LMBRD1: variants seen among roughly 807,000 people sequenced by gnomAD.
LMBRD1 encodes lysosomal cobalamin transport escort protein LMBD1.
In LMBRD1, 64 loss-of-function variants were observed where a neutral mutation model predicts 74.8. The ratio of observed to expected loss-of-function variants is 0.86; its 90% confidence interval spans 0.70 to 1.05. The LOEUF (loss-of-function observed/expected upper bound fraction) is 1.05. Among genes scored for constraint, LMBRD1 ranks in the 50% least tolerant of loss-of-function variants. LMBRD1 has a pLI of 0.00. For missense variants in LMBRD1, 652 were observed against 645.9 expected, an observed-to-expected ratio of 1.01 and a Z score of -0.10; for synonymous variants, 204 against 216.3, an observed-to-expected ratio of 0.94 and a Z score of 0.50.
rs142933632 is a variant in LMBRD1 at position 69,788,572 on chromosome 6, C to A, written c.246+1724G>T. ...ACACTTATTTATCAGAGAAAATGAC[C>A]TCATAATGTTACAATCAACCATTTA... On this transcript the variant is annotated intron_variant, in intron 2 of 15. Coordinates refer to ENST00000649934, the MANE Select transcript of LMBRD1 (RefSeq NM_018368.4). Among the ~76,000 whole-genome samples the A allele has an allele frequency of 2.3e-3, 342 of 151,262 alleles. 1 individual carries two copies. Among genetic ancestry groups the A allele is most frequent in the African/African-American group, 7.9e-3 (328 of 41,326 alleles).
intron 9 of LMBRD1, among the ~76,000 whole-genome samples, chr6:69,704,765 A>T (rs1252967159): frequency 6.6e-6 from 1 of 152,136 alleles, no homozygotes; most frequent in African/African-American, 2.4e-5. Context: ...TGAATCTGCA[A>T]ATGCAGAATC....
At chr6:69,770,189 T>C (rs567146206) in intron 3 of LMBRD1, among the ~76,000 whole-genome samples, 3 of 152,200 alleles carry the variant, frequency 2.0e-5, no homozygotes, top group East Asian at 1.9e-4. Flanking sequence ...CCATAAACAA[T>C]AGCACTAGAA....
At chr6:69,691,893 A>AG (rs1409346070) in intron 14 of LMBRD1, among the ~76,000 whole-genome samples, 6 of 151,418 alleles carry the variant, frequency 4.0e-5, no homozygotes, top group East Asian at 3.9e-4. Context: ...AAAAAAAAAA[A>AG]AAAGAAAGAA....
At chr6:69,743,518 T>C (rs1198040166) in intron 5 of LMBRD1, among the ~76,000 whole-genome samples, 1 of 152,096 alleles carries the variant, frequency 6.6e-6, no homozygotes, top group East Asian at 1.9e-4. Flanking sequence ...TCAAAAAAAC[T>C]AAAAAGACTA....
chr6:69,723,894 A>G (rs1202949486), intron 7 of LMBRD1, among the ~76,000 whole-genome samples: 2 of 151,888 alleles, frequency 1.3e-5, no homozygotes, highest in Non-Finnish European at 2.9e-5. Flanking sequence ...TTTAAAAAGA[A>G]AAAATTGACA....
rs34775384 is a variant in LMBRD1 at position 69,726,777 on chromosome 6, CAA to C, written c.637-7698_637-7697del. ...GGCAGGTAAGGATGGTTACTAGGTA[CAA>C]AAAAAAAAAAAAAATGAGTAAGACC... is the stretch of plus-strand genomic sequence containing the variant. On this transcript the variant is annotated intron_variant, in intron 7 of 15. Coordinates refer to ENST00000649934, the MANE Select transcript of LMBRD1 (RefSeq NM_018368.4). 2.1e-3 allele frequency among the ~76,000 whole-genome samples: 230 copies of C among 109,638 alleles called. 2 individuals carry two copies. The highest frequency in any genetic ancestry group is 5.0e-3 in the South Asian group (19 of 3,802). 71.9% of individuals were successfully genotyped at this position (109,638 alleles called of 152,430 possible).
chr6:69,679,996 T>C (rs1485850241), intron 14 of LMBRD1, among the ~76,000 whole-genome samples: 2 of 152,144 alleles, frequency 1.3e-5, no homozygotes, highest in East Asian at 3.8e-4. Flanking sequence ...AAATAATTGG[T>C]TAGTCATTAA....
At chr6:69,740,206 A>T (rs1231733425) in intron 6 of LMBRD1, among the ~76,000 whole-genome samples, 3 of 152,222 alleles carry the variant, frequency 2.0e-5, no homozygotes, top group Non-Finnish European at 1.5e-5. Context: ...CTAAAAATTA[A>T]GAATAGTTGG....
intron 7 of LMBRD1, among the ~76,000 whole-genome samples, chr6:69,727,663 G>T (rs1409182904): frequency 6.6e-6 from 1 of 152,104 alleles, no homozygotes; most frequent in East Asian, 1.9e-4. Flanking sequence ...ATGCATGTCA[G>T]AAAACTGCAC....
intron 9 of LMBRD1, among the ~76,000 whole-genome samples, chr6:69,709,271 T>C (rs947011801): frequency 3.3e-5 from 5 of 151,830 alleles, no homozygotes; most frequent in Non-Finnish European, 7.4e-5. Flanking sequence ...AATTGAAAAT[T>C]TGGCTTCCTA....
Position 69,697,643 on chromosome 6 carries a change from T to G in LMBRD1, c.1339-2A>C. ...ATGATTATCAGAAGTTATATTAGTC[T>G]GAAAGATAAAAATACAGTTAAAATA... On this transcript the variant is annotated splice_acceptor_variant, in intron 13 of 15. Transcript: ENST00000649934. LOFTEE classifies it high-confidence loss of function. The G allele has an allele frequency of 1.3e-6, 2 of 1,545,674 alleles. No homozygotes were observed. Among genetic ancestry groups the G allele is most frequent in the South Asian group, 1.1e-5 (1 of 89,276 alleles).
intron 2 of LMBRD1, among the ~76,000 whole-genome samples, chr6:69,786,410 C>A (rs868427884): frequency 6.6e-6 from 1 of 151,740 alleles, no homozygotes; most frequent in South Asian, 2.1e-4. Flanking sequence ...TCATGACATA[C>A]CTTAATATTA....
intron 7 of LMBRD1, among the ~76,000 whole-genome samples, chr6:69,737,342 A>T (rs893116504): frequency 6.6e-6 from 1 of 152,058 alleles, no homozygotes; most frequent in African/African-American, 2.4e-5. Flanking sequence ...GTCTGTATAC[A>T]ACTTGGTCAG....
chr6:69,707,515 T>C (rs1766286040), intron 9 of LMBRD1, among the ~76,000 whole-genome samples: 1 of 152,190 alleles, frequency 6.6e-6, no homozygotes, highest in Non-Finnish European at 1.5e-5. Context: ...ATAGGATCAT[T>C]GTTTCCTTAT....
In LMBRD1 at chr6:69,719,181, G is replaced by C. The variant is rs958647942; in HGVS notation, c.637-100C>G. ...TCTTTTAAAGTCATAAGAGTCAGCA[G>C]TTGTGAAAGAGTACAGTCACTGAAA... is the stretch of plus-strand genomic sequence containing the variant. On this transcript the variant is annotated intron_variant, in intron 7 of 15. Coordinates refer to ENST00000649934, the MANE Select transcript of LMBRD1 (RefSeq NM_018368.4). The C allele has an allele frequency of 1.8e-5, 20 of 1,095,014 alleles. 1 individual carries two copies. The South Asian group carries it at 2.7e-4, about 15-fold the overall frequency. 67.8% of individuals were successfully genotyped at this position (1,095,014 alleles called of 1,614,324 possible).
At chr6:69,758,388 C>T (rs1388529952) in intron 3 of LMBRD1, among the ~76,000 whole-genome samples, 1 of 152,136 alleles carries the variant, frequency 6.6e-6, no homozygotes, top group East Asian at 1.9e-4. Flanking sequence ...TGAAAAACTC[C>T]TGAGTCGAGA....
intron 2 of LMBRD1, among the ~76,000 whole-genome samples, chr6:69,782,801 A>G (rs1765867932): frequency 6.6e-6 from 1 of 152,192 alleles, no homozygotes; most frequent in Non-Finnish European, 1.5e-5. Context: ...AAAGAACCTG[A>G]GCACTTGCTG....
intron 7 of LMBRD1, among the ~76,000 whole-genome samples, chr6:69,719,566 T>C (rs1224162882): frequency 1.3e-5 from 2 of 152,196 alleles, no homozygotes; most frequent in Non-Finnish European, 2.9e-5. Context: ...TTATAACCAA[T>C]CTTTTTGCTA....
intron 14 of LMBRD1, among the ~76,000 whole-genome samples, chr6:69,693,535 A>G (rs1297610624): frequency 6.6e-6 from 1 of 152,032 alleles, no homozygotes; most frequent in Non-Finnish European, 1.5e-5. Context: ...TAATTTTAAC[A>G]CTGAAAATTA....
Sources: gnomAD v4.1 joint callset for allele counts (sites outside exome capture counted in the v4.1 genomes callset) on GRCh38, gnomAD v4.1.1 for gene constraint, MANE v1.5 for transcripts, NCBI Gene and HGNC (gene_info 2026-07-23, HGNC 2026-07-21) for gene names.